Variants in SEMA6D observed in about 807,000 individuals in gnomAD.
The protein encoded by SEMA6D is semaphorin-6D.
SEMA6D carries 35 observed loss-of-function variants against 106.6 expected under a neutral mutation model. The observed-to-expected ratio is 0.33, with a 90% CI of 0.25 to 0.44. The LOEUF is 0.44. SEMA6D is among the 20% of genes least tolerant of loss of function. SEMA6D has a pLI of 1.00. For synonymous variants in SEMA6D, 499 were observed against 487.7 expected (o/e 1.02, Z -0.31); for missense variants, 1,185 against 1,345.9 (o/e 0.88, Z 1.87).
chr15:47,337,177 A>T (rs1365185001), intron 1 of SEMA6D, among the ~76,000 whole-genome samples: 1 of 152,140 alleles, frequency 6.6e-6, no homozygotes, highest in Non-Finnish European at 1.5e-5. Flanking sequence ...AGATATCCCC[A>T]TGTGCTCTCT....
intron 2 of SEMA6D, among the ~76,000 whole-genome samples, chr15:47,436,954 A>AGAAAGGAAGGAGGCAGG (rs1382055262): frequency 1.4e-5 from 2 of 144,112 alleles, no homozygotes; most frequent in Non-Finnish European, 3.0e-5. Context: ...AAATAAAAGA[A>AGAAAGGAAGGAGGCAGG]GAAAGGAAGG....
intron 4 of SEMA6D, among the ~76,000 whole-genome samples, chr15:47,612,185 C>T (rs945755256): frequency 4.6e-5 from 7 of 152,092 alleles, no homozygotes; most frequent in Non-Finnish European, 1.0e-4. Flanking sequence ...CTTTATGCTG[C>T]CCCTGAGGCC....
At chr15:47,656,108 C>T (rs914120245) in intron 4 of SEMA6D, among the ~76,000 whole-genome samples, 1 of 152,204 alleles carries the variant, frequency 6.6e-6, no homozygotes, top group Non-Finnish European at 1.5e-5. Context: ...CTGTGATGTG[C>T]ATTATGGAGA....
intron 1 of SEMA6D, among the ~76,000 whole-genome samples, chr15:47,398,991 T>G (rs2040311126): frequency 6.6e-6 from 1 of 152,222 alleles, no homozygotes; most frequent in African/African-American, 2.4e-5. Flanking sequence ...ACTGAAATAC[T>G]GATTTGAAGA....
chr15:47,384,814 G>GTTTTTTTTTTTTT (rs1168068495), intron 1 of SEMA6D, among the ~76,000 whole-genome samples: 4 of 65,696 alleles, frequency 6.1e-5, no homozygotes, highest in South Asian at 9.0e-4. Flanking sequence ...GATTACTAAA[G>GTTTTTTTTTTTTT]TTTTTTTTTT....
At chr15:47,549,096 C>G (rs1453890823) in intron 3 of SEMA6D, among the ~76,000 whole-genome samples, 3 of 152,086 alleles carry the variant, frequency 2.0e-5, no homozygotes, top group Non-Finnish European at 4.4e-5. Context: ...TATCACTTTG[C>G]TATGTGTATT....
chr15:47,254,393 C>T (rs1424807105), intron 1 of SEMA6D, among the ~76,000 whole-genome samples: 1 of 150,078 alleles, frequency 6.7e-6, no homozygotes, highest in Non-Finnish European at 1.5e-5. Context: ...GTTTTACTTT[C>T]TCCTTTCCCA....
intron 1 of SEMA6D, among the ~76,000 whole-genome samples, chr15:47,364,736 C>A (rs1052194772): frequency 1.3e-5 from 2 of 151,828 alleles, no homozygotes; most frequent in Non-Finnish European, 2.9e-5. Flanking sequence ...ACTTCCTATC[C>A]CCTCCCCTCG....
At chr15:47,688,736 C>T (rs1227889728) in intron 4 of SEMA6D, among the ~76,000 whole-genome samples, 1 of 152,194 alleles carries the variant, frequency 6.6e-6, no homozygotes, top group African/African-American at 2.4e-5. Flanking sequence ...TGTAACCTGG[C>T]AACTTCACCA....
Position 47,768,469 on chromosome 15 carries a change from T to C in SEMA6D, c.1766-112T>C, listed in dbSNP as rs144309368. The C allele has an allele frequency of 2.0e-4, 188 of 943,534 alleles. 1 individual carries two copies. The East Asian group carries it at 5.0e-3, about 25-fold the overall frequency. The allele number at this position is 943,534 out of a possible 1,614,324, so 58.4% of individuals were successfully genotyped here. A position where few individuals can be genotyped will look rare whatever the true frequency, so the allele number is the denominator to read the frequency against. On this transcript the variant is annotated intron_variant, in intron 17 of 18. Transcript: ENST00000536845. The stretch of plus-strand genomic sequence containing the variant: ...CCTCAGGCGTGTTTTTACAAAATCC[T>C]AGAGCAAACTTTCTCATAAAATTTA...
intron 1 of SEMA6D, among the ~76,000 whole-genome samples, chr15:47,266,732 C>T (rs1365603157): frequency 6.6e-6 from 1 of 151,984 alleles, no homozygotes; most frequent in East Asian, 1.9e-4. Flanking sequence ...GGAAGATAAC[C>T]ATCTAGGAGC....
At chr15:47,595,290 G>A (rs912488080) in intron 3 of SEMA6D, among the ~76,000 whole-genome samples, 3 of 152,146 alleles carry the variant, frequency 2.0e-5, no homozygotes, top group African/African-American at 7.2e-5. Context: ...AAAACAAGTT[G>A]AATTTTTCAT....
intron 2 of SEMA6D, among the ~76,000 whole-genome samples, chr15:47,456,024 A>T (rs2042336162): frequency 6.6e-6 from 1 of 151,910 alleles, no homozygotes; most frequent in Non-Finnish European, 1.5e-5. Context: ...TGTTATTGTG[A>T]TTATTGTGGG....
intron 1 of SEMA6D, chr15:47,395,500 T>C (rs2040186128): frequency 6.6e-6 from 1 of 152,214 alleles, no homozygotes; most frequent in Admixed American, 6.5e-5. Context: ...CGTTAATTAT[T>C]GAGTGGTGTA....
chr15:47,212,945 C>G (rs1047672975), intron 1 of SEMA6D, among the ~76,000 whole-genome samples: 1 of 152,160 alleles, frequency 6.6e-6, no homozygotes, highest in Admixed American at 6.6e-5. Context: ...GTCAGGAAAT[C>G]GTATTTTTCT....
intron 1 of SEMA6D, among the ~76,000 whole-genome samples, chr15:47,218,571 T>C (rs1187662806): frequency 2.0e-5 from 3 of 152,200 alleles, no homozygotes; most frequent in Non-Finnish European, 2.9e-5. Flanking sequence ...TTGCCTATTA[T>C]CTACAACTCA....
At chr15:47,548,601 A>AG (rs1566878241) in intron 3 of SEMA6D, among the ~76,000 whole-genome samples, 1 of 152,136 alleles carries the variant, frequency 6.6e-6, no homozygotes, top group African/African-American at 2.4e-5. Context: ...TTAGGACAGA[A>AG]CATTGTGCTC....
At position 47,762,546 on chromosome 15, in the gene SEMA6D, A is replaced by G. The variant is rs189891386; in HGVS notation, c.658+227A>G. ...GTGTTTATCCTAGGTGACCTCAAAA[A>G]AAAAAGGGGAGATTTCATCTCTGTG... On this transcript the variant is annotated intron_variant, in intron 8 of 18. Coordinates refer to ENST00000536845, the MANE Select transcript of SEMA6D (RefSeq NM_001358351.3). Among the ~76,000 whole-genome samples, 10 of 152,302 alleles carry G rather than the reference A, an allele frequency of 6.6e-5. No homozygotes were observed. The East Asian group carries it at 1.9e-3, about 29-fold the overall frequency.
chr15:47,226,110 C>T (rs1187799227), intron 1 of SEMA6D, among the ~76,000 whole-genome samples: 4 of 151,936 alleles, frequency 2.6e-5, no homozygotes, highest in Non-Finnish European at 2.9e-5. Context: ...TAAAAGAAGA[C>T]AATTTGGATA....
Sources: allele counts gnomAD v4.1 joint callset (sites outside exome capture counted in the v4.1 genomes callset), GRCh38; gene constraint gnomAD v4.1.1; transcripts MANE v1.5; gene names NCBI Gene and HGNC (gene_info 2026-07-23, HGNC 2026-07-21).